Variants in ATXN1L observed in about 807,000 individuals in gnomAD.
ATXN1L encodes the protein ataxin-1-like.
ATXN1L carries 8 observed loss-of-function variants against 43.4 expected under a neutral mutation model. The ratio of observed to expected loss-of-function variants is 0.18; its 90% CI spans 0.11 to 0.33. The LOEUF (loss-of-function observed/expected upper bound fraction) is 0.33, where lower values mean the gene tolerates loss of function less well. ATXN1L is among the 10% of genes least tolerant of loss of function. The probability of loss-of-function intolerance (pLI) is 1.00; values close to 1 mark genes in which losing one functional copy is unlikely to be tolerated. For synonymous variants in ATXN1L, 379 were observed against 360.6 expected, an observed-to-expected ratio of 1.05 and a Z score of -0.58; for missense variants, 856 against 885.4, an observed-to-expected ratio of 0.97 and a Z score of 0.42.
chr16:71,849,331 C>G (rs1372923439), intron 2 of ATXN1L, among the ~76,000 whole-genome samples: 1 of 148,824 alleles, frequency 6.7e-6, no homozygotes, highest in East Asian at 2.1e-4. Context: ...AGACACATGA[C>G]TAACCGTGAA....
In ATXN1L at chr16:71,851,260, C is replaced by G. The variant is rs1461617094; in HGVS notation, c.1520C>G (p.Ser507Cys). ...GTGAGCGGGGGGCTGAAGATTGACT[C>G]TAGCACGGTCGTGGACATTCAGGAG... ...AEVSGGLKID[S>C]STVVDIQESQ... The change falls in exon 3 of 3, where the codon TCT becomes TGT. Residue 507 changes from serine (S) to cysteine (C), a missense_variant. Physicochemically the swap from Ser to Cys is moderately radical, Grantham distance 112. This residue lies in a region of ATXN1L where 54 missense variants were observed against 56.6 expected (regional missense o/e 0.95). Coordinates refer to ENST00000427980, the MANE Select transcript of ATXN1L (RefSeq NM_001137675.4). The surrounding 1 kb of genome is among the most constrained non-coding windows in gnomAD (Gnocchi z 4.9). 4 of 1,551,658 alleles carry G rather than the reference C, an allele frequency of 2.6e-6. No homozygotes were observed. Among genetic ancestry groups the G allele is most frequent in the South Asian group, 1.2e-5 (1 of 84,058 alleles).
rs146730684 is a variant in ATXN1L at position 71,848,079 on chromosome 16, C to A, written c.-118+8C>A. ...GCACCACTGGAAACTCAGGTAATACCGGCACTTTGAATTCCTTGTTTCAGG... is the reference window on the plus strand; with the variant it reads ...GCACCACTGGAAACTCAGGTAATACAGGCACTTTGAATTCCTTGTTTCAGG... On this transcript the variant is annotated splice_region_variant and intron_variant, in intron 2 of 2. Transcript: ENST00000427980. The A allele has an allele frequency of 2.2e-6, 1 of 455,548 alleles. No homozygotes were observed. The highest frequency in any genetic ancestry group is 7.0e-5 in the East Asian group (1 of 14,372). 28.2% of individuals were successfully genotyped at this position (455,548 alleles called of 1,614,324 possible).
rs1429490376 is a variant in ATXN1L at position 71,851,477 on chromosome 16, T to C, written c.1737T>C (p.Ser579=). The change falls in exon 3 of 3, where the codon TCT becomes TCC. Residue 579 remains serine, a synonymous_variant. Transcript: ENST00000427980. This position sits in a 1 kb window ranked among gnomAD's most constrained non-coding sequence, Gnocchi z 4.9. ...TACAGGTGGGAGATGTCTGCATCTC[T>C]ATCAGTTTACAGAGCTTGAACAGTA... ...HRLQVGDVCI[S]ISLQSLNSNS... The C allele has an allele frequency of 1.9e-6, 3 of 1,551,476 alleles. No individual in the cohort carries two copies. Among genetic ancestry groups the C allele is most frequent in the Admixed American group, 3.9e-5 (2 of 50,978 alleles).
chr16:71,850,323 G>C lies in ATXN1L; in HGVS notation c.583G>C (p.Ala195Pro). ...ATPPPQAPSP[A>P]HSFNKAPSAT... ...TCCTCCCCCACAGGCTCCCTCCCCG[G>C]CCCACTCATTTAACAAAGCTCCCTC... The change falls in exon 3 of 3, where the codon GCC becomes CCC. Residue 195 changes from alanine (A) to proline (P), a missense_variant. By Grantham distance (27) the Ala-to-Pro change is conservative. Coordinates refer to ENST00000427980, the MANE Select transcript of ATXN1L (RefSeq NM_001137675.4). 1 of 1,551,528 alleles carries C rather than the reference G, an allele frequency of 6.4e-7. No homozygotes were observed.
chr16:71,850,850 C>T lies in ATXN1L; in HGVS notation c.1110C>T (p.Pro370=), dbSNP rs1243255982. 1.2e-5 allele frequency: 18 copies of T among 1,551,672 alleles called. No homozygotes were observed. Among genetic ancestry groups the T allele is most frequent in the Middle Eastern group, 1.7e-4 (1 of 5,992 alleles). ...PSPLNLSHHT[P]DHQGEGRGSA... ...CCCTCAACCTATCCCATCATACCCC[C>T]GACCATCAGGGTGAGGGGCGAGGGT... Residue 370 remains proline, a synonymous_variant, in exon 3 of 3, where the codon CCC becomes CCT. Transcript: ENST00000427980.
chr16:71,850,405 TTGC>T lies in ATXN1L; in HGVS notation c.667_669del (p.Ala223del), dbSNP rs748089660. On this transcript the variant is annotated inframe_deletion, in exon 3 of 3. Coordinates refer to ENST00000427980, the MANE Select transcript of ATXN1L (RefSeq NM_001137675.4). ...CATTCAAGTACTCAGCCGCTGGACCTTGCTCCAGGTCGGATGCCCATTTATTAT... is the reference window on the plus strand; with the variant it reads ...CATTCAAGTACTCAGCCGCTGGACCTTCCAGGTCGGATGCCCATTTATTAT... 39 of 1,551,574 alleles carry T rather than the reference TTGC, an allele frequency of 2.5e-5. No homozygotes were observed. The highest frequency in any genetic ancestry group is 3.1e-5 in the Non-Finnish European group (36 of 1,146,996).
chr16:71,850,514 G>C lies in ATXN1L; in HGVS notation c.774G>C (p.Glu258Asp), dbSNP rs2033489266. Residue 258 changes from glutamate (E) to aspartate (D), a missense_variant, in exon 3 of 3, where the codon GAG becomes GAC. This residue lies in a region of ATXN1L where 490 missense variants were observed against 449.4 expected (regional missense o/e 1.09). Transcript: ENST00000427980. ...CCAGCCCAGTTCTTACCCCTCAGGAGAGCCAGTCTGCTCTGGAAGCAGCTG... is the reference window on the plus strand; with the variant it reads ...CCAGCCCAGTTCTTACCCCTCAGGACAGCCAGTCTGCTCTGGAAGCAGCTG... Reference protein sequence around the residue: ...AGASPVLTPQESQSALEAAAA... With the variant: ...AGASPVLTPQDSQSALEAAAA... The C allele has an allele frequency of 4.5e-6, 7 of 1,551,642 alleles. No individual in the cohort carries two copies. The highest frequency in any genetic ancestry group is 6.1e-6 in the Non-Finnish European group (7 of 1,147,018).
Position 71,850,104 on chromosome 16 carries a change from A to T in ATXN1L, c.364A>T (p.Ile122Phe). ...VASSLIQHPGIHYPPLHYAQL... is the reference protein window; with the variant it reads ...VASSLIQHPGFHYPPLHYAQL... ...GTCTTCACTAATTCAACATCCAGGC[A>T]TCCACTATCCTCCACTCCACTATGC... The change falls in exon 3 of 3, where the codon ATC (isoleucine) becomes TTC (phenylalanine). Residue 122 changes from isoleucine to phenylalanine, a missense_variant. By Grantham distance (21) the Ile-to-Phe change is conservative (BLOSUM62 0). Coordinates refer to ENST00000427980, the MANE Select transcript of ATXN1L (RefSeq NM_001137675.4). 1 of 1,551,662 alleles carries T rather than the reference A, an allele frequency of 6.4e-7. No homozygotes were observed. The highest frequency in any genetic ancestry group is 8.7e-7 in the Non-Finnish European group (1 of 1,146,984).
rs975151075 is a variant in ATXN1L, at chr16:71,853,286, T to C, written c.*1476T>C. 6.0e-6 allele frequency: 1 copy of C among 167,208 alleles called. No individual in the cohort carries two copies. The highest frequency in any genetic ancestry group is 2.4e-5 in the African/African-American group (1 of 41,454). The allele number at this position is 167,208 out of a possible 1,614,324, so 10.4% of individuals were successfully genotyped here. On this transcript the variant is annotated 3_prime_UTR_variant, in exon 3 of 3. Transcript: ENST00000427980. ...CCCCACCAATGTCTTAATCCCACATTTTCTTCACAACTTTTAGCATCAGCT... is the reference window on the plus strand; with the variant it reads ...CCCCACCAATGTCTTAATCCCACATCTTCTTCACAACTTTTAGCATCAGCT...
At chr16:71,846,362 C>G (rs2033442879) in intron 1 of ATXN1L, among the ~76,000 whole-genome samples, 1 of 152,220 alleles carries the variant, frequency 6.6e-6, no homozygotes, top group South Asian at 2.1e-4. Context: ...GGAAGGGCCC[C>G]CAAACAAGGA....
rs889619270 is a variant in ATXN1L, at chr16:71,853,612, C to T, written c.*1802C>T. ...GACCTCTGGCTCTTTCACTTCCTCC[C>T]CACCTGCCAAATGGGGATAAATAAT... is the stretch of plus-strand genomic sequence containing the variant. On this transcript the variant is annotated 3_prime_UTR_variant, in exon 3 of 3. Transcript: ENST00000427980. The T allele has an allele frequency of 6.0e-6, 1 of 167,100 alleles. No homozygotes were observed. The highest frequency in any genetic ancestry group is 1.5e-5 in the Non-Finnish European group (1 of 68,160). 10.4% of individuals were successfully genotyped at this position (167,100 alleles called of 1,614,324 possible). A position where few individuals can be genotyped will look rare whatever the true frequency, so the allele number is the denominator to read the frequency against.
rs373371385 is a variant in ATXN1L, at chr16:71,850,766, C to G, written c.1026C>G (p.Gly342=). 1 of 1,551,618 alleles carries G rather than the reference C, an allele frequency of 6.4e-7. No homozygotes were observed. The highest frequency in any genetic ancestry group is 1.2e-5 in the South Asian group (1 of 84,056). ...ACCTTGAGGTCCAGCGGGTGGTTGG[C>G]GCTTTAGCTTCTCAGGACTATCGTG... The part of the protein sequence containing the change: ...DTDLEVQRVV[G]ALASQDYRVV... Residue 342 remains glycine (G), a synonymous_variant, in exon 3 of 3, where the codon GGC becomes GGG. Transcript: ENST00000427980.
chr16:71,851,677 C>A lies in ATXN1L; in HGVS notation c.1937C>A (p.Ala646Asp). Reference protein sequence around the residue: ...EPSQPESGAQACWPAPSFQRY... With the variant: ...EPSQPESGAQDCWPAPSFQRY... ...TCCCAGCCTGAGTCCGGTGCTCAGG[C>A]CTGCTGGCCAGCCCCGAGCTTCCAA... Residue 646 changes from alanine to aspartate, a missense_variant, in exon 3 of 3, where the codon GCC becomes GAC. By Grantham distance (126) the Ala-to-Asp change is moderately radical. Coordinates refer to ENST00000427980, the MANE Select transcript of ATXN1L (RefSeq NM_001137675.4). This position sits in a 1 kb window ranked among gnomAD's most constrained non-coding sequence, Gnocchi z 4.9. The A allele has an allele frequency of 6.6e-7, 1 of 1,506,934 alleles. No individual in the cohort carries two copies. The highest frequency in any genetic ancestry group is 8.9e-7 in the Non-Finnish European group (1 of 1,122,416). The allele number at this position is 1,506,934 out of a possible 1,614,324, so 93.3% of individuals were successfully genotyped here. A position where few individuals can be genotyped will look rare whatever the true frequency, so the allele number is the denominator to read the frequency against.
chr16:71,849,491 C>G (rs1423584436), intron 2 of ATXN1L, 133 bp from the exon 3 acceptor site: 1 of 353,998 alleles, frequency 2.8e-6, no homozygotes, highest in Non-Finnish European at 5.1e-6. Flanking sequence ...CTTGTCTGCC[C>G]CTTTCTCTTT....
chr16:71,851,604 G>A lies in ATXN1L; in HGVS notation c.1864G>A (p.Glu622Lys), dbSNP rs2033503836. 6.5e-7 allele frequency: 1 copy of A among 1,544,574 alleles called. No homozygotes were observed. Among genetic ancestry groups the A allele is most frequent in the Non-Finnish European group, 8.8e-7 (1 of 1,141,656 alleles). The change falls in exon 3 of 3, where the codon GAG (glutamate) becomes AAG (lysine). Residue 622 changes from glutamate (E) to lysine (K), a missense_variant. Transcript: ENST00000427980. The surrounding 1 kb of genome is among the most constrained non-coding windows in gnomAD (Gnocchi z 4.9). ...GGGATCCAGAGAGCTATGTGACAGT[G>A]AGGGGAAGAGCCAGCCGGCAGGAGA... ...VLGSRELCDSEGKSQPAGEGS... is the reference protein window; with the variant it reads ...VLGSRELCDSKGKSQPAGEGS...
Position 71,856,561 on chromosome 16 carries a change from T to C in ATXN1L, c.*4751T>C, listed in dbSNP as rs1288114832. On this transcript the variant is annotated 3_prime_UTR_variant, in exon 3 of 3. Coordinates refer to ENST00000427980, the MANE Select transcript of ATXN1L (RefSeq NM_001137675.4). ...TTGCTGGTATTGCTGAAGGCAGGGTTGATCCCTCACTTGACTGATACTTGC... is the reference window on the plus strand; with the variant it reads ...TTGCTGGTATTGCTGAAGGCAGGGTCGATCCCTCACTTGACTGATACTTGC... 2 of 167,144 alleles carry C rather than the reference T, an allele frequency of 1.2e-5. No individual in the cohort carries two copies. Among genetic ancestry groups the C allele is most frequent in the Non-Finnish European group, 2.9e-5 (2 of 68,144 alleles). 10.4% of individuals were successfully genotyped at this position (167,144 alleles called of 1,614,324 possible).
chr16:71,849,215 TTAAAAAA>T (rs1392646877), intron 2 of ATXN1L, among the ~76,000 whole-genome samples: 89 of 86,052 alleles, frequency 1.0e-3, no homozygotes, highest in African/African-American at 3.6e-3. Context: ...TCCATGTGTT[TTAAAAAA>T]AAAAAAAAAA....
rs1003930160 is a variant in ATXN1L at position 71,851,850 on chromosome 16, C to T, written c.*40C>T. ...CCAGGACTGGGGCTTTACCCCAGAG[C>T]CTCGCCTCGCCGCCGTGAGCAGGCA... On this transcript the variant is annotated 3_prime_UTR_variant, in exon 3 of 3. Transcript: ENST00000427980. The surrounding 1 kb of genome is among the most constrained non-coding windows in gnomAD (Gnocchi z 4.9). 9.4e-6 allele frequency: 13 copies of T among 1,381,744 alleles called. No homozygotes were observed. Among genetic ancestry groups the T allele is most frequent in the Non-Finnish European group, 2.8e-6 (3 of 1,061,934 alleles). 85.6% of individuals were successfully genotyped at this position (1,381,744 alleles called of 1,614,324 possible).
intron 1 of ATXN1L, among the ~76,000 whole-genome samples, 178 bp downstream of exon 1, chr16:71,846,282 A>G (rs980236553): frequency 3.3e-5 from 5 of 152,102 alleles, no homozygotes; most frequent in Non-Finnish European, 7.4e-5. Context: ...CTGTCCTGGA[A>G]GGTGGCCTCA....
Sources: allele counts gnomAD v4.1 joint callset (sites outside exome capture counted in the v4.1 genomes callset), GRCh38; gene constraint gnomAD v4.1.1; regional missense constraint gnomAD v4.1.1; non-coding constraint Gnocchi (gnomAD v3.1); transcripts MANE v1.5; gene names NCBI Gene and HGNC (gene_info 2026-07-23, HGNC 2026-07-21).